Variants in IMMT observed in about 807,000 individuals in gnomAD.
The protein encoded by IMMT is MICOS complex subunit MIC60.
Under a neutral mutation model 92.7 loss-of-function variants are expected in IMMT, and 40 were observed. The ratio of observed to expected loss-of-function variants is 0.43; its 90% CI spans 0.34 to 0.56. The LOEUF is 0.56. Ranked by LOEUF, IMMT falls within the 20% of genes least tolerant of loss-of-function variation. The probability of loss-of-function intolerance (pLI) is 0.03; values close to 1 mark genes in which losing one functional copy is unlikely to be tolerated. For synonymous variants in IMMT, 322 were observed against 336.1 expected (o/e 0.96, Z 0.46); for missense variants, 831 against 912.1 (o/e 0.91, Z 1.14).
intron 8 of IMMT, 95 bp downstream of exon 8, chr2:86,161,881 T>C: frequency 1.3e-6 from 1 of 763,712 alleles, no homozygotes; most frequent in South Asian, 1.5e-5. Flanking sequence ...TTTCTCTACC[T>C]CCTCTTTATT....
At chr2:86,158,570 A>C (rs1676031995) in intron 10 of IMMT, 22 bp downstream of exon 10, 3 of 1,560,826 alleles carry the variant, frequency 1.9e-6, no homozygotes, top group Non-Finnish European at 1.7e-6. Flanking sequence ...CAAAAAAAAA[A>C]CATTACTTCA....
At chr2:86,147,482 T>C (rs1244725187) in intron 13 of IMMT, among the ~76,000 whole-genome samples, 2 of 152,182 alleles carry the variant, frequency 1.3e-5, no homozygotes, top group Admixed American at 1.3e-4. Context: ...TTACCAACTC[T>C]CCTTAAAGCT....
At chr2:86,162,112 ACTG>A (rs1676326025) in intron 7 of IMMT, 33 bp from the exon 8 acceptor site, 2 of 1,321,322 alleles carry the variant, frequency 1.5e-6, no homozygotes, top group Non-Finnish European at 2.1e-6. Flanking sequence ...ATAATAAATA[ACTG>A]CTATTATTGT....
In IMMT at chr2:86,159,295, G is replaced by C. The variant is rs958642971; in HGVS notation, c.1032+241C>G. The C allele has an allele frequency of 7.5e-6, 4 of 536,262 alleles. No homozygotes were observed. The African/African-American group carries it at 7.7e-5, about 10-fold the overall frequency. The allele number at this position is 536,262 out of a possible 1,614,324, so 33.2% of individuals were successfully genotyped here. On this transcript the variant is annotated intron_variant, in intron 9 of 14. Coordinates refer to ENST00000410111, the MANE Select transcript of IMMT (RefSeq NM_006839.3). The stretch of plus-strand genomic sequence containing the variant: ...AAACAGAGTTTCACCATGTTGCCCA[G>C]GCTGGTCTCAAACTCCTGGGCTCAA...
At chr2:86,182,639 C>T (rs545406468) in intron 1 of IMMT, among the ~76,000 whole-genome samples, 3 of 152,242 alleles carry the variant, frequency 2.0e-5, no homozygotes, top group Non-Finnish European at 2.9e-5. Flanking sequence ...GAGCCCAGGA[C>T]GTCAGAACCA....
rs746728366 is a variant in IMMT at position 86,162,001 on chromosome 2, C to G, written c.871G>C (p.Ala291Pro). The change falls in exon 8 of 15, where the codon GCT (alanine) becomes CCT (proline). Residue 291 changes from alanine (A) to proline (P), a missense_variant. Physicochemically the swap from Ala to Pro is conservative, Grantham distance 27. Transcript: ENST00000410111. ...LKERRKAVDE[A>P]ADALLKAKEE... ...TTGGCTTTGAGAAGGGCATCGGCAGCTTCATCTACTGCCTTTCTGCGTTCC... is the reference window on the plus strand; with the variant it reads ...TTGGCTTTGAGAAGGGCATCGGCAGGTTCATCTACTGCCTTTCTGCGTTCC... The G allele has an allele frequency of 6.2e-7, 1 of 1,600,302 alleles. No individual in the cohort carries two copies. The highest frequency in any genetic ancestry group is 2.2e-5 in the East Asian group (1 of 44,468).
Position 86,159,920 on chromosome 2 carries a change from T to C in IMMT, c.897-249A>G, listed in dbSNP as rs552740824. ...TTAAAAAAACTAAAAGAAAAGTCAA[T>C]GAAAGAAATGTAATTGCTTTTTTTT... On this transcript the variant is annotated intron_variant, in intron 8 of 14. Transcript: ENST00000410111. 6.7e-5 allele frequency: 20 copies of C among 297,972 alleles called. No homozygotes were observed. In the East Asian group the frequency reaches 1.0e-3, roughly 15 times the overall value. The allele number at this position is 297,972 out of a possible 1,614,324, so 18.5% of individuals were successfully genotyped here.
chr2:86,157,263 G>A (rs1675917163), intron 10 of IMMT, among the ~76,000 whole-genome samples: 1 of 152,132 alleles, frequency 6.6e-6, no homozygotes, highest in Non-Finnish European at 1.5e-5. Flanking sequence ...TGAGTCAACT[G>A]CATTCAAAGA....
chr2:86,182,430 C>T (rs1672490970), intron 1 of IMMT, among the ~76,000 whole-genome samples: 1 of 152,098 alleles, frequency 6.6e-6, no homozygotes, highest in Non-Finnish European at 1.5e-5. Context: ...ACTCTACTGG[C>T]CAAAGCCTAG....
chr2:86,167,322 C>T (rs550145992), intron 6 of IMMT, among the ~76,000 whole-genome samples: 34 of 149,034 alleles, frequency 2.3e-4, no homozygotes, highest in African/African-American at 7.9e-4. Flanking sequence ...CAGGTGCATA[C>T]CACCACGCCC....
intron 12 of IMMT, 101 bp downstream of exon 12, chr2:86,151,196 G>T: frequency 9.8e-7 from 1 of 1,015,424 alleles, no homozygotes; most frequent in Non-Finnish European, 1.5e-6. Context: ...GCGATTACAG[G>T]CATGAACCAC....
chr2:86,154,235 C>T (rs1675691661), intron 10 of IMMT, among the ~76,000 whole-genome samples: 1 of 150,692 alleles, frequency 6.6e-6, no homozygotes, highest in African/African-American at 2.4e-5. Context: ...TGCAGTGGCG[C>T]AATCTCAGCT....
At chr2:86,187,069 A>G (rs974112456) in intron 1 of IMMT, among the ~76,000 whole-genome samples, 5 of 152,030 alleles carry the variant, frequency 3.3e-5, no homozygotes, top group Admixed American at 1.3e-4. Flanking sequence ...AAAATTCACC[A>G]TTCTAACCAT....
Position 86,158,573 on chromosome 2 carries a change from T to G in IMMT, c.1162+19A>C, listed in dbSNP as rs759981062. 11 of 1,563,364 alleles carry G rather than the reference T, an allele frequency of 7.0e-6. No homozygotes were observed. The African/African-American group carries it at 1.1e-4, about 15-fold the overall frequency. ...TGGTTAAAACATCAAAAAAAAAACA[T>G]TACTTCAGTTGTACTCACTCATTCC... On this transcript the variant is annotated intron_variant, in intron 10 of 14. Transcript: ENST00000410111.
intron 7 of IMMT, 35 bp downstream of exon 7, chr2:86,166,473 C>G: frequency 6.4e-7 from 1 of 1,564,998 alleles, no homozygotes. Context: ...CAAGTCATGA[C>G]AGCCAGAACA....
intron 4 of IMMT, among the ~76,000 whole-genome samples, chr2:86,172,672 A>G (rs1451171363): frequency 6.6e-6 from 1 of 152,134 alleles, no homozygotes; most frequent in Non-Finnish European, 1.5e-5. Flanking sequence ...GACTGCCACA[A>G]TAAACTTTTT....
rs17027011 is a variant in IMMT at position 86,179,433 on chromosome 2, C to T, written c.309G>A (p.Ser103=). 0.047 allele frequency: 74,446 copies of T among 1,576,174 alleles called. 3,023 individuals are homozygous for T. Among genetic ancestry groups the T allele is most frequent in the East Asian group, 0.2 (8,796 of 44,064 alleles). The change falls in exon 3 of 15, where the codon TCG becomes TCA. Residue 103 remains serine, a splice_region_variant and synonymous_variant. Transcript: ENST00000410111. The part of the protein sequence containing the change: ...AAYNVPLPKK[S]IQSGPLKISS... Reference sequence around the variant, plus strand: ...CTGAAATATTGTTTAAAACTCTTACCGATTTCTTTGGCAATGGAACATTAT... The same window carrying T: ...CTGAAATATTGTTTAAAACTCTTACTGATTTCTTTGGCAATGGAACATTAT...
chr2:86,183,471 C>A (rs1488972906), intron 1 of IMMT, among the ~76,000 whole-genome samples: 1 of 152,082 alleles, frequency 6.6e-6, no homozygotes, highest in African/African-American at 2.4e-5. Context: ...TCTTTATCTA[C>A]CTTCTATTTT....
At position 86,194,064 on chromosome 2, in the gene IMMT, A is replaced by C. The variant is rs560462971; in HGVS notation, c.45+1274T>G. Among the ~76,000 whole-genome samples the C allele has an allele frequency of 3.3e-5, 5 of 152,242 alleles. No homozygotes were observed. In the South Asian group the frequency reaches 1.0e-3, roughly 32 times the overall value. Reference sequence around the variant, plus strand: ...GAATGGCCTCTAGAGGCCTTGAGGCAAGGAACTGTAGGCAGGCTGTAGAAG... The same window carrying C: ...GAATGGCCTCTAGAGGCCTTGAGGCCAGGAACTGTAGGCAGGCTGTAGAAG... On this transcript the variant is annotated intron_variant, in intron 1 of 14. Coordinates refer to ENST00000410111, the MANE Select transcript of IMMT (RefSeq NM_006839.3).
Sources: allele counts gnomAD v4.1 joint callset (sites outside exome capture counted in the v4.1 genomes callset), GRCh38; gene constraint gnomAD v4.1.1; transcripts MANE v1.5; gene names NCBI Gene and HGNC (gene_info 2026-07-23, HGNC 2026-07-21).